TRAPPC9: variants seen among roughly 807,000 people sequenced by gnomAD.
The protein encoded by TRAPPC9 is IKK2 binding protein.
Under a neutral mutation model 124.0 loss-of-function variants are expected in TRAPPC9, and 83 were observed. That is an observed-to-expected ratio of 0.67 (90% CI 0.56 to 0.80). The LOEUF (loss-of-function observed/expected upper bound fraction) is 0.80. Ranked by LOEUF, TRAPPC9 falls within the 30% of genes least tolerant of loss-of-function variation. The pLI is 0.00. For missense variants in TRAPPC9, 1,302 were observed against 1,508.3 expected (o/e 0.86, Z 2.27); for synonymous variants, 638 against 617.5 (o/e 1.03, Z -0.49).
intron 21 of TRAPPC9, among the ~76,000 whole-genome samples, chr8:139,756,110 G>T (rs1819748496): frequency 9.7e-6 from 1 of 103,480 alleles, no homozygotes; most frequent in Non-Finnish European, 1.9e-5. Context: ...GTCACAGGAG[G>T]AGCCAGGGAT....
At chr8:139,893,663 C>A (rs752754259) in intron 20 of TRAPPC9, among the ~76,000 whole-genome samples, 2 of 152,246 alleles carry the variant, frequency 1.3e-5, no homozygotes, top group African/African-American at 2.4e-5. Flanking sequence ...TCATCAAAAG[C>A]TGCCCTTCAC....
chr8:140,405,038 A>ATTT, intron 6 of TRAPPC9, among the ~76,000 whole-genome samples: 1 of 151,894 alleles, frequency 6.6e-6, no homozygotes, highest in East Asian at 1.9e-4. Flanking sequence ...GAGGACTTTC[A>ATTT]TTTTTTTACT....
intron 17 of TRAPPC9, among the ~76,000 whole-genome samples, chr8:140,192,604 T>G (rs1265863384): frequency 2.0e-5 from 3 of 152,226 alleles, no homozygotes; most frequent in African/African-American, 7.2e-5. Flanking sequence ...CTCGCTTCAA[T>G]ACCTGCAAAA....
At chr8:140,191,889 A>G (rs2062498913) in intron 17 of TRAPPC9, among the ~76,000 whole-genome samples, 1 of 152,140 alleles carries the variant, frequency 6.6e-6, no homozygotes, top group African/African-American at 2.4e-5. Flanking sequence ...CCCTGAGTTT[A>G]AATCTCCTCC....
intron 21 of TRAPPC9, among the ~76,000 whole-genome samples, chr8:139,863,021 G>C (rs1230405556): frequency 6.6e-6 from 1 of 152,256 alleles, no homozygotes; most frequent in East Asian, 1.9e-4. Flanking sequence ...TACACAGAGG[G>C]GAGGGCTCTG....
intron 18 of TRAPPC9, among the ~76,000 whole-genome samples, chr8:139,990,580 C>T (rs1047607554): frequency 1.3e-5 from 2 of 151,986 alleles, no homozygotes; most frequent in African/African-American, 4.8e-5. Context: ...AGGAACATGT[C>T]ACCATTTCTT....
intron 17 of TRAPPC9, among the ~76,000 whole-genome samples, chr8:140,191,285 GT>G (rs2062487221): frequency 6.6e-6 from 1 of 152,240 alleles, no homozygotes; most frequent in African/African-American, 2.4e-5. Context: ...CAGAAACTCA[GT>G]AATTTGCCAG....
At chr8:140,302,319 G>A (rs1461601219) in intron 10 of TRAPPC9, among the ~76,000 whole-genome samples, 1 of 152,214 alleles carries the variant, frequency 6.6e-6, no homozygotes, top group Non-Finnish European at 1.5e-5. Flanking sequence ...CCTTCGCTCT[G>A]TGTGTGCCCT....
chr8:140,143,606 A>G (rs1192481766), intron 17 of TRAPPC9, among the ~76,000 whole-genome samples: 2 of 152,310 alleles, frequency 1.3e-5, no homozygotes, highest in African/African-American at 4.8e-5. Context: ...CAAGCTTAAG[A>G]AACTCTTTCC....
chr8:140,445,512 C>A (rs1005713897), intron 2 of TRAPPC9, among the ~76,000 whole-genome samples: 1 of 152,122 alleles, frequency 6.6e-6, no homozygotes, highest in African/African-American at 2.4e-5. Flanking sequence ...CTCCGAGACT[C>A]GGCTGCCAGG....
chr8:140,194,651 C>T (rs55959638), intron 17 of TRAPPC9, among the ~76,000 whole-genome samples: 17,951 of 152,122 alleles, frequency 0.12, 1,293 homozygotes, highest in Middle Eastern at 0.19. Flanking sequence ...ACTGGAAGGT[C>T]CCAAAGGAAC....
At chr8:139,731,644 G>C (rs546872606) in intron 22 of TRAPPC9, among the ~76,000 whole-genome samples, 2 of 152,118 alleles carry the variant, frequency 1.3e-5, no homozygotes, top group African/African-American at 2.4e-5. Context: ...GGAGCGGCAG[G>C]CACGGGATGG....
At chr8:139,793,271 CTG>C (rs1822825133) in intron 21 of TRAPPC9, among the ~76,000 whole-genome samples, 1 of 152,186 alleles carries the variant, frequency 6.6e-6, no homozygotes, top group South Asian at 2.1e-4. Flanking sequence ...ACTCCTTTCC[CTG>C]TGTGTTCCAT....
At chr8:140,394,909 T>C (rs1034187998) in intron 7 of TRAPPC9, among the ~76,000 whole-genome samples, 22 of 152,162 alleles carry the variant, frequency 1.4e-4, no homozygotes, top group African/African-American at 4.1e-4. Flanking sequence ...CACATCCTCA[T>C]TGGCCCTGCA....
intron 17 of TRAPPC9, among the ~76,000 whole-genome samples, chr8:140,136,587 C>T (rs1436048141): frequency 1.3e-5 from 2 of 152,206 alleles, no homozygotes; most frequent in Admixed American, 1.3e-4. Context: ...CCTGTAATCC[C>T]AGCACTTTGG....
At chr8:140,268,798 T>C (rs776585659) in intron 15 of TRAPPC9, among the ~76,000 whole-genome samples, 1 of 152,132 alleles carries the variant, frequency 6.6e-6, no homozygotes, top group Non-Finnish European at 1.5e-5. Context: ...AGGCAAGGCA[T>C]GACGGGTGAC....
chr8:140,322,194 A>C (rs1163283969), intron 9 of TRAPPC9, among the ~76,000 whole-genome samples: 1 of 152,218 alleles, frequency 6.6e-6, no homozygotes, highest in Admixed American at 6.5e-5. Flanking sequence ...TCAAAGCACA[A>C]AGATGGAAAG....
intron 17 of TRAPPC9, among the ~76,000 whole-genome samples, chr8:140,205,864 C>G (rs1401498011): frequency 6.6e-6 from 1 of 152,224 alleles, no homozygotes; most frequent in African/African-American, 2.4e-5. Flanking sequence ...CTGATTCCCA[C>G]ACAGTATTAC....
At chr8:139,956,759 C>T (rs545362112) in intron 19 of TRAPPC9, among the ~76,000 whole-genome samples, 110 of 152,338 alleles carry the variant, frequency 7.2e-4, no homozygotes, top group African/African-American at 2.3e-3. Context: ...TGTGCCACCC[C>T]GGGCAGGTCC....
Sources: gnomAD v4.1 joint callset for allele counts (sites outside exome capture counted in the v4.1 genomes callset) on GRCh38, gnomAD v4.1.1 for gene constraint, MANE v1.5 for transcripts, NCBI Gene and HGNC (gene_info 2026-07-23, HGNC 2026-07-21) for gene names.